BEND5: variants seen among roughly 807,000 people sequenced by gnomAD.
The protein encoded by BEND5 is BEN domain containing 5.
BEND5 carries 22 observed loss-of-function variants against 43.9 expected under a neutral mutation model. The observed-to-expected ratio is 0.50, with a 90% CI of 0.36 to 0.72. The LOEUF is 0.72. Among genes scored for constraint, BEND5 ranks in the 30% least tolerant of loss-of-function variants. The probability of loss-of-function intolerance (pLI) is 0.00; values close to 1 mark genes in which losing one functional copy is unlikely to be tolerated. For synonymous variants in BEND5, 228 were observed against 225.9 expected (o/e 1.01, Z -0.08); for missense variants, 428 against 550.6 (o/e 0.78, Z 2.23).
At chr1:48,763,912 T>C (rs1011890267) in intron 1 of BEND5, among the ~76,000 whole-genome samples, 2 of 152,190 alleles carry the variant, frequency 1.3e-5, no homozygotes, top group African/African-American at 2.4e-5. Flanking sequence ...CTCACTGTTG[T>C]GCAAGGTCAC....
At position 48,736,534 on chromosome 1, in the gene BEND5, G is replaced by A. The variant is rs576001285; in HGVS notation, c.895-82C>T. On this transcript the variant is annotated intron_variant, in intron 4 of 5. Coordinates refer to ENST00000371833, the MANE Select transcript of BEND5 (RefSeq NM_024603.4). The surrounding 1 kb of genome is among the most constrained non-coding windows in gnomAD (Gnocchi z 4.0). ...CTTCTCTTGTCCTTTAAAAAGCATT[G>A]CTGCACAACTGTAAGAGATTCATGT... is the stretch of plus-strand genomic sequence containing the variant. The A allele has an allele frequency of 1.3e-4, 152 of 1,174,750 alleles. 1 individual carries two copies. Among genetic ancestry groups the A allele is most frequent in the Middle Eastern group, 2.8e-4 (1 of 3,628 alleles). 72.8% of individuals were successfully genotyped at this position (1,174,750 alleles called of 1,614,324 possible). A position where few individuals can be genotyped will look rare whatever the true frequency, so the allele number is the denominator to read the frequency against.
chr1:48,772,625 T>C (rs1043514341), intron 1 of BEND5, among the ~76,000 whole-genome samples: 7 of 152,072 alleles, frequency 4.6e-5, no homozygotes, highest in Non-Finnish European at 4.4e-5. Context: ...AACTAAAACT[T>C]TTTTCAGTAG....
At position 48,750,273 on chromosome 1, in the gene BEND5, G is replaced by A. The variant is rs375562120; in HGVS notation, c.746-7502C>T. On this transcript the variant is annotated intron_variant, in intron 3 of 5. Coordinates refer to ENST00000371833, the MANE Select transcript of BEND5 (RefSeq NM_024603.4). ...CATGAACCACCTGTAGGAGGGGCTG[G>A]GGTAGTTCTGCTTGCTCTCATCTAT... is the stretch of plus-strand genomic sequence containing the variant. Among the ~76,000 whole-genome samples, 7 of 152,216 alleles carry A rather than the reference G, an allele frequency of 4.6e-5. No homozygotes were observed. In the East Asian group the frequency reaches 1.4e-3, roughly 29 times the overall value.
At chr1:48,771,053 C>T (rs1459027207) in intron 1 of BEND5, among the ~76,000 whole-genome samples, 1 of 152,178 alleles carries the variant, frequency 6.6e-6, no homozygotes, top group East Asian at 1.9e-4. Flanking sequence ...GTGCACTGAA[C>T]CTGGAACCAG....
chr1:48,761,255 G>A, intron 2 of BEND5, 82 bp downstream of exon 2: 1 of 1,393,452 alleles, frequency 7.2e-7, no homozygotes, highest in Non-Finnish European at 9.6e-7. Flanking sequence ...CATGGGGAGA[G>A]GAAGCCAGAC....
At chr1:48,728,914 C>T (rs1196495615) in intron 5 of BEND5, among the ~76,000 whole-genome samples, 2 of 152,140 alleles carry the variant, frequency 1.3e-5, no homozygotes, top group Non-Finnish European at 2.9e-5. Flanking sequence ...TGTCTCACTG[C>T]TGTGATTACT....
In BEND5 at chr1:48,736,542, AC is replaced by A; in HGVS notation, c.895-91del. On this transcript the variant is annotated intron_variant, in intron 4 of 5. Coordinates refer to ENST00000371833, the MANE Select transcript of BEND5 (RefSeq NM_024603.4). This position sits in a 1 kb window ranked among gnomAD's most constrained non-coding sequence, Gnocchi z 4.0. ...GTCCTTTAAAAAGCATTGCTGCACA[AC>A]TGTAAGAGATTCATGTCATAAATAT... is the stretch of plus-strand genomic sequence containing the variant. 9.2e-7 allele frequency: 1 copy of A among 1,086,838 alleles called. No homozygotes were observed. 67.3% of individuals were successfully genotyped at this position (1,086,838 alleles called of 1,614,324 possible).
intron 5 of BEND5, among the ~76,000 whole-genome samples, chr1:48,732,122 TG>T (rs757733029): frequency 1.6e-4 from 24 of 151,566 alleles, no homozygotes; most frequent in Admixed American, 2.6e-4. Flanking sequence ...AGATGGGTAG[TG>T]AGGGATGTGG....
At chr1:48,737,475 T>G (rs1649257686) in intron 4 of BEND5, among the ~76,000 whole-genome samples, 2 of 152,138 alleles carry the variant, frequency 1.3e-5, no homozygotes, top group South Asian at 4.1e-4. Context: ...GCCAGTCCTT[T>G]CCCACCTCTG....
intron 3 of BEND5, 65 bp downstream of exon 3, chr1:48,758,835 G>T: frequency 7.2e-7 from 1 of 1,384,126 alleles, no homozygotes; most frequent in Non-Finnish European, 9.6e-7. Flanking sequence ...TTCCCTTCCT[G>T]GAAGAGGATC....
chr1:48,754,521 C>G (rs534159832), intron 3 of BEND5, among the ~76,000 whole-genome samples: 1 of 152,180 alleles, frequency 6.6e-6, no homozygotes, highest in East Asian at 1.9e-4. Flanking sequence ...TGGAATGTCA[C>G]CATGCTTTTT....
chr1:48,748,739 A>T (rs544150793), intron 3 of BEND5, among the ~76,000 whole-genome samples: 1 of 152,144 alleles, frequency 6.6e-6, no homozygotes, highest in Admixed American at 6.5e-5. Flanking sequence ...CGGTTAAGGG[A>T]TCCTAGAAGG....
Position 48,776,885 on chromosome 1 carries a change from C to T in BEND5, c.-54G>A. ...GGCAGCTCAGCCCGCGGGGCGGGCG[C>T]GGAGGTGGGGATCCGGCGGGGGGCG... On this transcript the variant is annotated 5_prime_UTR_variant, in exon 1 of 6. Transcript: ENST00000371833. The T allele has an allele frequency of 2.9e-6, 2 of 691,322 alleles. No individual in the cohort carries two copies. The highest frequency in any genetic ancestry group is 3.9e-6 in the Non-Finnish European group (2 of 517,598). 42.8% of individuals were successfully genotyped at this position (691,322 alleles called of 1,614,324 possible).
intron 1 of BEND5, among the ~76,000 whole-genome samples, chr1:48,773,495 A>G (rs1417885042): frequency 6.6e-6 from 1 of 152,164 alleles, no homozygotes; most frequent in Non-Finnish European, 1.5e-5. Context: ...GGTGGGGGAC[A>G]GCTGTGTGTG....
intron 3 of BEND5, among the ~76,000 whole-genome samples, chr1:48,755,793 C>G (rs539606226): frequency 1.3e-4 from 20 of 152,228 alleles, no homozygotes; most frequent in Non-Finnish European, 1.9e-4. Flanking sequence ...ACTACCCTCT[C>G]CCTACTTCCC....
intron 1 of BEND5, among the ~76,000 whole-genome samples, chr1:48,769,279 G>A (rs927001053): frequency 6.6e-6 from 1 of 152,154 alleles, no homozygotes; most frequent in Non-Finnish European, 1.5e-5. Flanking sequence ...GGAATTGCTA[G>A]CCAGGTTTCA....
rs779529150 is a variant in BEND5, at chr1:48,728,010, A to C, written c.1142T>G (p.Val381Gly). The C allele has an allele frequency of 4.3e-6, 7 of 1,612,120 alleles. No individual in the cohort carries two copies. In the African/African-American group the frequency reaches 6.7e-5, roughly 15 times the overall value. The change falls in exon 6 of 6, where the codon GTG becomes GGG. Residue 381 changes from valine to glycine, a missense_variant. Val to Gly is a moderately radical substitution (Grantham distance 109, BLOSUM62 -3). Transcript: ENST00000371833. Reference protein sequence around the residue: ...CLYDRIAQETVDETEIAQRLS... With the variant: ...CLYDRIAQETGDETEIAQRLS... ...TCTCTGTGCAATTTCAGTTTCATCC[A>C]CAGTTTCTTGTGCTATTCTGTCATA...
chr1:48,766,826 C>T (rs1644555337), intron 1 of BEND5, among the ~76,000 whole-genome samples: 1 of 152,204 alleles, frequency 6.6e-6, no homozygotes, highest in South Asian at 2.1e-4. Context: ...GTCCTCTGCT[C>T]ATTCTTTTCT....
At chr1:48,740,770 A>C (rs1433369064) in intron 4 of BEND5, among the ~76,000 whole-genome samples, 2 of 152,214 alleles carry the variant, frequency 1.3e-5, no homozygotes, top group African/African-American at 4.8e-5. Context: ...GGGTCAGACA[A>C]GACAGCAGAG....
Sources: gnomAD v4.1 joint callset for allele counts (sites outside exome capture counted in the v4.1 genomes callset) on GRCh38, gnomAD v4.1.1 for gene constraint, Gnocchi (gnomAD v3.1) non-coding constraint, MANE v1.5 for transcripts, NCBI Gene and HGNC (gene_info 2026-07-23, HGNC 2026-07-21) for gene names.